Variants in SYT16 observed in about 807,000 individuals in gnomAD.
SYT16 encodes synaptotagmin-16.
In SYT16, 42 loss-of-function variants were observed where a neutral mutation model predicts 61.4. The ratio of observed to expected loss-of-function variants is 0.68; its 90% CI spans 0.53 to 0.89. The LOEUF is 0.89. SYT16 is among the 40% of genes least tolerant of loss of function. The pLI, the probability that SYT16 is intolerant of heterozygous loss-of-function variation, is 0.00. For synonymous variants in SYT16, 314 were observed against 302.3 expected (o/e 1.04, Z -0.40); for missense variants, 804 against 807.3 (o/e 1.00, Z 0.05).
intron 1 of SYT16, among the ~76,000 whole-genome samples, chr14:61,946,378 A>G (rs540966935): frequency 6.6e-6 from 1 of 152,202 alleles, no homozygotes. Flanking sequence ...ACTCATGGAT[A>G]GAGTGGAATA....
At chr14:61,917,104 C>T (rs138265589) in intron 1 of SYT16, among the ~76,000 whole-genome samples, 1 of 152,040 alleles carries the variant, frequency 6.6e-6, no homozygotes, top group East Asian at 1.9e-4. Flanking sequence ...GGATATATAC[C>T]CAGCAGTGGG....
At chr14:62,005,378 A>G (rs1169645143) in intron 3 of SYT16, among the ~76,000 whole-genome samples, 1 of 152,102 alleles carries the variant, frequency 6.6e-6, no homozygotes, top group African/African-American at 2.4e-5. Flanking sequence ...GAGGTAAAAG[A>G]GCCCAGGGAA....
intron 3 of SYT16, among the ~76,000 whole-genome samples, chr14:62,013,542 G>A (rs2053548742): frequency 1.3e-5 from 2 of 152,152 alleles, no homozygotes; most frequent in African/African-American, 4.8e-5. Context: ...CTTCTCTTCT[G>A]TCACTCCCAT....
chr14:61,889,606 G>GTCTCCCTCCCTC (rs1199055747), intron 1 of SYT16, among the ~76,000 whole-genome samples: 2 of 150,460 alleles, frequency 1.3e-5, no homozygotes, highest in East Asian at 3.9e-4. Flanking sequence ...CTCTCTCTCT[G>GTCTCCCTCCCTC]TCTCCCTCCC....
chr14:61,902,315 T>G (rs897879760), intron 1 of SYT16, among the ~76,000 whole-genome samples: 9 of 152,220 alleles, frequency 5.9e-5, no homozygotes, highest in African/African-American at 2.2e-4. Context: ...CTAAAAGACC[T>G]TCATGTTTGA....
chr14:61,833,385 C>T (rs543791239), intron 1 of SYT16, among the ~76,000 whole-genome samples: 4 of 151,730 alleles, frequency 2.6e-5, no homozygotes, highest in South Asian at 2.1e-4. Context: ...CTCTGCCTCC[C>T]GGGTTCAAGC....
chr14:62,076,602 G>A (rs2140960849), intron 5 of SYT16, among the ~76,000 whole-genome samples: 1 of 152,144 alleles, frequency 6.6e-6, no homozygotes, highest in East Asian at 1.9e-4. Flanking sequence ...CACATATGTG[G>A]TTTGTGGCTT....
chr14:61,974,336 G>C (rs1479105406), intron 2 of SYT16, among the ~76,000 whole-genome samples: 2 of 152,168 alleles, frequency 1.3e-5, no homozygotes, highest in Non-Finnish European at 2.9e-5. Context: ...CCTGGGCATG[G>C]AACTGCACAA....
At chr14:62,087,189 A>G (rs2056914222) in intron 7 of SYT16, among the ~76,000 whole-genome samples, 1 of 152,260 alleles carries the variant, frequency 6.6e-6, no homozygotes, top group Non-Finnish European at 1.5e-5. Flanking sequence ...ATGAGGGGAC[A>G]CGAGTTTTAT....
At chr14:62,096,904 A>G (rs1219543642) in intron 7 of SYT16, among the ~76,000 whole-genome samples, 1 of 152,184 alleles carries the variant, frequency 6.6e-6, no homozygotes, top group Admixed American at 6.5e-5. Flanking sequence ...ATTTTCATAT[A>G]TGTTTAAAAT....
intron 1 of SYT16, among the ~76,000 whole-genome samples, chr14:61,950,389 CCAG>C (rs1397945077): frequency 6.6e-6 from 1 of 152,098 alleles, no homozygotes; most frequent in Admixed American, 6.5e-5. Context: ...CCATATGGAG[CCAG>C]ACCTATGGCT....
At chr14:61,846,724 TCTTC>T (rs918269844) in intron 1 of SYT16, among the ~76,000 whole-genome samples, 23 of 152,278 alleles carry the variant, frequency 1.5e-4, no homozygotes, top group African/African-American at 3.8e-4. Flanking sequence ...TATGGTCTTC[TCTTC>T]CTTCTTTCAT....
At chr14:61,968,717 C>A (rs767106456) in intron 1 of SYT16, among the ~76,000 whole-genome samples, 8 of 152,166 alleles carry the variant, frequency 5.3e-5, no homozygotes, top group Non-Finnish European at 1.2e-4. Flanking sequence ...CACTGAAGCA[C>A]AAAGAGGTTA....
At chr14:61,898,096 A>C (rs1399498626) in intron 1 of SYT16, among the ~76,000 whole-genome samples, 1 of 152,122 alleles carries the variant, frequency 6.6e-6, no homozygotes, top group Admixed American at 6.5e-5. Flanking sequence ...CGTTACCCCC[A>C]CAGGAGTTGT....
chr14:61,882,251 T>TA (rs900384983), intron 1 of SYT16, among the ~76,000 whole-genome samples: 3 of 152,016 alleles, frequency 2.0e-5, no homozygotes, highest in Admixed American at 6.6e-5. Context: ...ATTGCACTAT[T>TA]AAAAAAAATT....
intron 1 of SYT16, among the ~76,000 whole-genome samples, chr14:61,921,040 C>A (rs1413055435): frequency 6.6e-6 from 1 of 152,192 alleles, no homozygotes; most frequent in African/African-American, 2.4e-5. Context: ...CTGTGTCCCC[C>A]AGTCCTCTGT....
At chr14:61,865,092 T>A in intron 1 of SYT16, 1 of 1,357,352 alleles carries the variant, frequency 7.4e-7, no homozygotes, top group South Asian at 1.2e-5. Flanking sequence ...TGGCCCACTG[T>A]GACTCATCTG....
intron 7 of SYT16, among the ~76,000 whole-genome samples, chr14:62,091,338 A>T (rs1364683575): frequency 6.6e-6 from 1 of 152,228 alleles, no homozygotes; most frequent in East Asian, 1.9e-4. Context: ...TAAATGATGC[A>T]ATTCAGAAAG....
chr14:62,041,905 G>T lies in SYT16; in HGVS notation c.524-27698G>T, dbSNP rs1037130851. ...TTCAAGCTCACTAGTCTTTTATTCT[G>T]CATTGCCCAAATCTGCCATCAATCC... On this transcript the variant is annotated intron_variant, in intron 3 of 7. Transcript: ENST00000683842. Among the ~76,000 whole-genome samples, 25 of 151,928 alleles carry T rather than the reference G, an allele frequency of 1.6e-4. 1 individual carries two copies. Among genetic ancestry groups the T allele is most frequent in the Admixed American group, 1.4e-3 (21 of 15,244 alleles).
Sources: allele counts gnomAD v4.1 joint callset (sites outside exome capture counted in the v4.1 genomes callset), GRCh38; gene constraint gnomAD v4.1.1; transcripts MANE v1.5; gene names NCBI Gene and HGNC (gene_info 2026-07-23, HGNC 2026-07-21).